Variants in TENM2 observed in about 807,000 individuals in gnomAD.
The protein encoded by TENM2 is teneurin-2.
Under a neutral mutation model 245.2 loss-of-function variants are expected in TENM2, and 52 were observed. The observed-to-expected ratio is 0.21, with a 90% confidence interval of 0.17 to 0.27. TENM2 has a LOEUF of 0.27. Ranked by LOEUF, TENM2 falls within the 10% of genes least tolerant of loss-of-function variation. The pLI is 1.00. For missense variants in TENM2, 3,046 were observed against 3,666.8 expected, an observed-to-expected ratio of 0.83 and a Z score of 4.37; for synonymous variants, 1,363 against 1,438.9, an observed-to-expected ratio of 0.95 and a Z score of 1.19.
chr5:167,977,679 G>A (rs1782542322), intron 4 of TENM2, among the ~76,000 whole-genome samples: 1 of 152,212 alleles, frequency 6.6e-6, no homozygotes, highest in Non-Finnish European at 1.5e-5. Flanking sequence ...ACAAGCTCAG[G>A]ATATGGATAG....
intron 2 of TENM2, among the ~76,000 whole-genome samples, chr5:167,558,160 A>C (rs1387371877): frequency 6.6e-6 from 1 of 152,190 alleles, no homozygotes; most frequent in Non-Finnish European, 1.5e-5. Flanking sequence ...AGGATGCTAG[A>C]AGCTCCAGCC....
At position 168,253,076 on chromosome 5, in the gene TENM2, C is replaced by T. The variant is rs187360929; in HGVS notation, c.7432+4705C>T. Among the ~76,000 whole-genome samples, 448 of 151,866 alleles carry T rather than the reference C, an allele frequency of 2.9e-3. 2 individuals are homozygous for T. The highest frequency in any genetic ancestry group is 0.01 in the African/African-American group (417 of 41,460). On this transcript the variant is annotated intron_variant, in intron 27 of 28. Coordinates refer to ENST00000518659, the Ensembl canonical transcript of TENM2. The stretch of plus-strand genomic sequence containing the variant: ...CTGCCTCCCGGGTTCAAGCGATTCT[C>T]CTGCCTCAGCCTCCCGAGTAGCTGG...
At chr5:167,977,355 GTC>G (rs1334729778) in intron 4 of TENM2, among the ~76,000 whole-genome samples, 1 of 152,066 alleles carries the variant, frequency 6.6e-6, no homozygotes, top group East Asian at 1.9e-4. Flanking sequence ...AGAAAAGTAT[GTC>G]TATCACATAT....
intron 2 of TENM2, among the ~76,000 whole-genome samples, chr5:167,627,929 C>A (rs935994772): frequency 5.9e-5 from 9 of 152,264 alleles, no homozygotes; most frequent in African/African-American, 1.9e-4. Context: ...GAATAAACTG[C>A]TAAAAGGAAA....
In TENM2 at chr5:168,226,062, T is replaced by TTATC. The variant is rs141558250; in HGVS notation, c.5109-12_5109-9dup. 4.8e-4 allele frequency: 776 copies of TTATC among 1,600,464 alleles called. 1 individual carries two copies. The highest frequency in any genetic ancestry group is 4.4e-3 in the African/African-American group (331 of 74,472). On this transcript the variant is annotated intron_variant, in intron 23 of 28. Transcript: ENST00000518659. The stretch of plus-strand genomic sequence containing the variant: ...CCCAATGACTGCTGCTAACCAGGGT[T>TTATC]TATCTATCTATCTATCTCCCCCCAG...
chr5:167,112,609 A>T, the TENM2 span, among the ~76,000 whole-genome samples: 1 of 152,376 alleles, frequency 6.6e-6, no homozygotes, highest in South Asian at 2.1e-4. Flanking sequence ...ATAGGAGACT[A>T]AGTTGGATCA....
At chr5:167,127,131 T>A in the TENM2 span, among the ~76,000 whole-genome samples, 3 of 152,172 alleles carry the variant, frequency 2.0e-5, no homozygotes, top group Non-Finnish European at 2.9e-5. Flanking sequence ...TGAATAATTT[T>A]GTCTTAGGCC....
intron 8 of TENM2, among the ~76,000 whole-genome samples, chr5:168,095,186 G>A (rs949550285): frequency 2.0e-5 from 3 of 152,114 alleles, no homozygotes; most frequent in Admixed American, 2.0e-4. Flanking sequence ...CCAAGCCCCA[G>A]TCTGTAGAAC....
At chr5:167,385,527 G>C (rs530582220) in intron 2 of TENM2, among the ~76,000 whole-genome samples, 1 of 148,220 alleles carries the variant, frequency 6.7e-6, no homozygotes, top group South Asian at 2.1e-4. Flanking sequence ...TACTTCCATA[G>C]GTTATTGGAG....
Position 167,372,185 on chromosome 5 carries a change from C to T in TENM2, c.227-3013C>T, listed in dbSNP as rs534414468. On this transcript the variant is annotated intron_variant, in intron 1 of 28. Coordinates refer to ENST00000518659, the Ensembl canonical transcript of TENM2. ...CTTTTCCTGGCAAATTCAGCACAGACCTTCCAATTTTCTTTACAATGCTGT... is the reference window on the plus strand; with the variant it reads ...CTTTTCCTGGCAAATTCAGCACAGATCTTCCAATTTTCTTTACAATGCTGT... Among the ~76,000 whole-genome samples, 21 of 152,212 alleles carry T rather than the reference C, an allele frequency of 1.4e-4. No homozygotes were observed. In the South Asian group the frequency reaches 4.2e-3, roughly 30 times the overall value.
chr5:168,051,093 A>C (rs1437200832), intron 6 of TENM2, among the ~76,000 whole-genome samples: 1 of 152,236 alleles, frequency 6.6e-6, no homozygotes, highest in Non-Finnish European at 1.5e-5. Flanking sequence ...AAGGGAATTC[A>C]GTTTGATTGG....
intron 2 of TENM2, among the ~76,000 whole-genome samples, chr5:167,851,730 A>T (rs1363939502): frequency 6.6e-6 from 1 of 152,212 alleles, no homozygotes; most frequent in Non-Finnish European, 1.5e-5. Context: ...ACCGCCAGAG[A>T]TTCCCGCAGC....
rs372917707 is a variant in TENM2 at position 167,870,569 on chromosome 5, A to ATATATATATATG, written c.503-5416_503-5415insATATATATATGT. On this transcript the variant is annotated intron_variant, in intron 2 of 28. Transcript: ENST00000518659. The stretch of plus-strand genomic sequence containing the variant: ...AATGTGTATACATATATATATATAT[A>ATATATATATATG]TGTGTGTGTATATATATATGTATAT... 6.3e-3 allele frequency among the ~76,000 whole-genome samples: 894 copies of ATATATATATATG among 142,402 alleles called. 7 individuals carry two copies. The highest frequency in any genetic ancestry group is 0.017 in the African/African-American group (612 of 36,160). The allele number at this position is 142,402 out of a possible 152,430, so 93.4% of individuals were successfully genotyped here.
chr5:168,250,571 A>G (rs558225037), intron 27 of TENM2, among the ~76,000 whole-genome samples: 2 of 152,326 alleles, frequency 1.3e-5, no homozygotes, highest in East Asian at 3.9e-4. Context: ...CATGCTGCAG[A>G]AATAAACAAA....
intron 4 of TENM2, among the ~76,000 whole-genome samples, chr5:167,991,816 G>A (rs1031288000): frequency 6.6e-6 from 1 of 152,222 alleles, no homozygotes; most frequent in African/African-American, 2.4e-5. Flanking sequence ...GTCAGAGACA[G>A]TGTAGGGTAA....
At chr5:167,655,027 T>G (rs1582664301) in intron 2 of TENM2, among the ~76,000 whole-genome samples, 1 of 152,216 alleles carries the variant, frequency 6.6e-6, no homozygotes, top group African/African-American at 2.4e-5. Context: ...ATAAACATTA[T>G]GTCTTCATTA....
intron 2 of TENM2, among the ~76,000 whole-genome samples, chr5:167,494,521 C>G (rs1164690168): frequency 6.6e-6 from 1 of 151,936 alleles, no homozygotes; most frequent in Non-Finnish European, 1.5e-5. Flanking sequence ...TCCATTCACT[C>G]ATTCATTCAT....
the TENM2 span, among the ~76,000 whole-genome samples, chr5:167,082,154 C>A: frequency 2.0e-5 from 3 of 152,122 alleles, no homozygotes; most frequent in Non-Finnish European, 4.4e-5. Flanking sequence ...TTTTGTTCTT[C>A]TTATTATTAC....
chr5:167,289,808 G>T (rs1270190136), intron 1 of TENM2, among the ~76,000 whole-genome samples: 2 of 152,122 alleles, frequency 1.3e-5, no homozygotes, highest in African/African-American at 2.4e-5. Context: ...GGAATACTTT[G>T]GAAATTGTAA....
Sources: gnomAD v4.1 joint callset for allele counts (sites outside exome capture counted in the v4.1 genomes callset) on GRCh38, gnomAD v4.1.1 for gene constraint, MANE v1.5 for transcripts, NCBI Gene and HGNC (gene_info 2026-07-23, HGNC 2026-07-21) for gene names.